The following HSDL2 variants were observed in gnomAD, a reference collection of about 807,000 sequenced individuals.
HSDL2 encodes hydroxysteroid dehydrogenase like 2.
A neutral mutation model predicts 46.3 loss-of-function variants in HSDL2; 27 were observed. That is an observed-to-expected ratio of 0.58 (90% CI 0.43 to 0.80). HSDL2 has a LOEUF of 0.80. Among genes scored for constraint, HSDL2 ranks in the 30% least tolerant of loss-of-function variants. HSDL2 has a pLI of 0.00. For synonymous variants in HSDL2, 153 were observed against 163.6 expected (o/e 0.94, Z 0.50); for missense variants, 451 against 502.7 (o/e 0.90, Z 0.98).
chr9:112,417,952 C>T (rs1832030907), intron 5 of HSDL2, among the ~76,000 whole-genome samples: 1 of 152,062 alleles, frequency 6.6e-6, no homozygotes, highest in South Asian at 2.1e-4. Context: ...GTGGTGCACA[C>T]CTGTAATCCC....
intron 1 of HSDL2, among the ~76,000 whole-genome samples, chr9:112,385,449 G>A (rs952682664): frequency 1.8e-4 from 26 of 141,716 alleles, no homozygotes; most frequent in African/African-American, 4.8e-4. Flanking sequence ...CTGCCTCAGC[G>A]TCCAGAGTAG....
chr9:112,436,003 G>A (rs149995456), intron 6 of HSDL2, among the ~76,000 whole-genome samples: 5 of 151,766 alleles, frequency 3.3e-5, no homozygotes, highest in African/African-American at 7.3e-5. Flanking sequence ...GGCTGGACAC[G>A]GTGGCTCACA....
chr9:112,413,966 T>C, intron 4 of HSDL2: 2 of 221,958 alleles, frequency 9.0e-6, no homozygotes, highest in South Asian at 1.0e-4. Context: ...AACTTAGAAC[T>C]TTTTTTAAAA....
chr9:112,390,418 C>T lies in HSDL2; in HGVS notation c.17+10238C>T, dbSNP rs950893319. Among the ~76,000 whole-genome samples, 131 of 152,210 alleles carry T rather than the reference C, an allele frequency of 8.6e-4. 1 individual carries two copies. Among genetic ancestry groups the T allele is most frequent in the African/African-American group, 2.9e-3 (120 of 41,546 alleles). ...TATTAGTCCCTTACTTCAGTTCATACACAAAAATTAATTCCAGGTAGATTA... is the reference window on the plus strand; with the variant it reads ...TATTAGTCCCTTACTTCAGTTCATATACAAAAATTAATTCCAGGTAGATTA... On this transcript the variant is annotated intron_variant, in intron 1 of 10. Coordinates refer to ENST00000398805, the MANE Select transcript of HSDL2 (RefSeq NM_032303.5).
intron 9 of HSDL2, among the ~76,000 whole-genome samples, chr9:112,455,606 CTA>C (rs1177270143): frequency 1.3e-5 from 2 of 152,210 alleles, no homozygotes; most frequent in Non-Finnish European, 2.9e-5. Context: ...TAGAAATTGA[CTA>C]TTGCCCCGCT....
intron 10 of HSDL2, among the ~76,000 whole-genome samples, chr9:112,468,963 C>T (rs1409653511): frequency 6.6e-6 from 1 of 152,144 alleles, no homozygotes; most frequent in Admixed American, 6.5e-5. Flanking sequence ...CTGAAGGACA[C>T]CCAGATGTCT....
chr9:112,447,377 C>T (rs896046596), intron 8 of HSDL2, among the ~76,000 whole-genome samples: 3 of 152,042 alleles, frequency 2.0e-5, no homozygotes, highest in Non-Finnish European at 1.5e-5. Flanking sequence ...CAGTTTATCT[C>T]TTGGCAAATG....
chr9:112,426,191 T>C (rs1317356231), intron 6 of HSDL2, among the ~76,000 whole-genome samples: 2 of 151,912 alleles, frequency 1.3e-5, no homozygotes, highest in Admixed American at 6.6e-5. Flanking sequence ...GCTCTTCTTT[T>C]AAGGTTTCTT....
At chr9:112,397,231 C>T (rs542941043) in intron 1 of HSDL2, among the ~76,000 whole-genome samples, 13 of 152,118 alleles carry the variant, frequency 8.5e-5, no homozygotes, top group South Asian at 2.1e-4. Flanking sequence ...CTTCATAGCC[C>T]GTGCCCACAG....
chr9:112,391,178 A>AAAT lies in HSDL2; in HGVS notation c.17+11020_17+11022dup, dbSNP rs57337984. 1.2e-3 allele frequency among the ~76,000 whole-genome samples: 174 copies of AAAT among 149,546 alleles called. 1 individual carries two copies. The highest frequency in any genetic ancestry group is 0.011 in the Middle Eastern group (3 of 284). On this transcript the variant is annotated intron_variant, in intron 1 of 10. Coordinates refer to ENST00000398805, the MANE Select transcript of HSDL2 (RefSeq NM_032303.5). Reference sequence around the variant, plus strand: ...GTGACAGAGTAAGACTCCATCTCAAAAATAATAATAATAATAATAATAATT... The same window carrying AAAT: ...GTGACAGAGTAAGACTCCATCTCAAAAATAATAATAATAATAATAATAATAATT...
rs149783544 is a variant in HSDL2, at chr9:112,401,614, C to A, written c.18-2381C>A. ...GTGGTGGGTCAGATTTGGCCTGGGG[C>A]CATAGTTTGCAGACTGTTGATTTAG... On this transcript the variant is annotated intron_variant, in intron 1 of 10. Coordinates refer to ENST00000398805, the MANE Select transcript of HSDL2 (RefSeq NM_032303.5). 2.5e-3 allele frequency among the ~76,000 whole-genome samples: 382 copies of A among 152,006 alleles called. 1 individual carries two copies. Among genetic ancestry groups the A allele is most frequent in the Non-Finnish European group, 4.3e-3 (290 of 67,988 alleles).
intron 8 of HSDL2, among the ~76,000 whole-genome samples, chr9:112,446,705 C>G (rs1176589284): frequency 6.6e-6 from 1 of 152,196 alleles, no homozygotes; most frequent in Non-Finnish European, 1.5e-5. Context: ...GGTTCTTCCC[C>G]TCCCCATCCT....
chr9:112,425,992 CG>C (rs1470602207), intron 6 of HSDL2, among the ~76,000 whole-genome samples: 1 of 152,184 alleles, frequency 6.6e-6, no homozygotes. Context: ...CCTTGCACCT[CG>C]GCCTCCCAAA....
At chr9:112,444,464 A>G (rs936303409) in intron 8 of HSDL2, among the ~76,000 whole-genome samples, 9 of 152,068 alleles carry the variant, frequency 5.9e-5, no homozygotes, top group African/African-American at 1.7e-4. Context: ...TCAACCAGGC[A>G]TAGTGGCTCA....
chr9:112,391,982 A>G (rs1564103010), intron 1 of HSDL2, among the ~76,000 whole-genome samples: 3 of 152,240 alleles, frequency 2.0e-5, no homozygotes, highest in Admixed American at 2.0e-4. Flanking sequence ...AAGTATTTCA[A>G]CATAGGTTCT....
At chr9:112,455,598 G>A (rs1271693525) in intron 9 of HSDL2, among the ~76,000 whole-genome samples, 1 of 152,230 alleles carries the variant, frequency 6.6e-6, no homozygotes, top group Admixed American at 6.5e-5. Flanking sequence ...TGTACCAGTA[G>A]AAATTGACTA....
In HSDL2 at chr9:112,380,235, C is replaced by T. The variant is rs564912212; in HGVS notation, c.17+55C>T. The T allele has an allele frequency of 1.3e-4, 196 of 1,505,766 alleles. 5 individuals are homozygous for T. In the South Asian group the frequency reaches 2.1e-3, roughly 16 times the overall value. 93.3% of individuals were successfully genotyped at this position (1,505,766 alleles called of 1,614,324 possible). A position where few individuals can be genotyped will look rare whatever the true frequency, so the allele number is the denominator to read the frequency against. ...ACCCTGTCGGGCGAAGGGCGCGTCTCGGTGGGGCCGCCGCGGATCGCCCGG... is the reference window on the plus strand; with the variant it reads ...ACCCTGTCGGGCGAAGGGCGCGTCTTGGTGGGGCCGCCGCGGATCGCCCGG... On this transcript the variant is annotated intron_variant, in intron 1 of 10. Transcript: ENST00000398805.
At chr9:112,444,660 T>C (rs1265460774) in intron 8 of HSDL2, among the ~76,000 whole-genome samples, 2 of 151,890 alleles carry the variant, frequency 1.3e-5, no homozygotes, top group Non-Finnish European at 2.9e-5. Flanking sequence ...ATCACTTGAG[T>C]TCAGGAGTTT....
chr9:112,416,787 G>C, intron 4 of HSDL2, 54 bp from the exon 5 acceptor site: 4 of 863,456 alleles, frequency 4.6e-6, no homozygotes, highest in Non-Finnish European at 7.6e-6. Flanking sequence ...AAAAAAAAGT[G>C]GAGAAATTGT....
Sources: gnomAD v4.1 joint callset for allele counts (sites outside exome capture counted in the v4.1 genomes callset) on GRCh38, gnomAD v4.1.1 for gene constraint, MANE v1.5 for transcripts, NCBI Gene and HGNC (gene_info 2026-07-23, HGNC 2026-07-21) for gene names.